Variants in TRIM66 observed in about 807,000 individuals in gnomAD.
TRIM66 encodes the protein tripartite motif-containing protein 66.
Under a neutral mutation model 148.2 loss-of-function variants are expected in TRIM66, and 99 were observed. The ratio of observed to expected loss-of-function variants is 0.67; its 90% confidence interval spans 0.57 to 0.79. TRIM66 has a LOEUF of 0.79. Among genes scored for constraint, TRIM66 ranks in the 30% least tolerant of loss-of-function variants. TRIM66 has a pLI of 0.00. For synonymous variants in TRIM66, 616 were observed against 635.9 expected (o/e 0.97, Z 0.47); for missense variants, 1,666 against 1,697.9 (o/e 0.98, Z 0.33).
Position 8,651,907 on chromosome 11 carries a change from T to C in TRIM66, c.341-4A>G. On this transcript the variant is annotated splice_region_variant and splice_polypyrimidine_tract_variant and intron_variant, in intron 6 of 24. Transcript: ENST00000646038. ...CACCCAGGACAGGAGATGAGCTCTG[T>C]GCAAGAAAGAAAGATAGCAGAGTCA... 1.9e-6 allele frequency: 3 copies of C among 1,547,888 alleles called. No homozygotes were observed. Among genetic ancestry groups the C allele is most frequent in the Admixed American group, 3.9e-5 (2 of 50,788 alleles).
At chr11:8,620,260 C>G in intron 21 of TRIM66, 136 bp from the exon 22 acceptor site, 1 of 1,319,208 alleles carries the variant, frequency 7.6e-7, no homozygotes, top group Non-Finnish European at 1.0e-6. Flanking sequence ...AATTCAGGTT[C>G]CCAAGCCAGA....
At chr11:8,642,483 GC>G (rs1407242874) in intron 13 of TRIM66, among the ~76,000 whole-genome samples, 1 of 152,130 alleles carries the variant, frequency 6.6e-6, no homozygotes, top group Non-Finnish European at 1.5e-5. Flanking sequence ...AAGACTGAAT[GC>G]CAGCAAATGA....
chr11:8,645,946 T>C, intron 11 of TRIM66, 59 bp from the exon 12 acceptor site: 2 of 1,513,960 alleles, frequency 1.3e-6, no homozygotes, highest in Non-Finnish European at 8.9e-7. Context: ...ATCCACCTGC[T>C]TGGGAAGTCT....
chr11:8,673,954 C>T (rs1008983143), intron 4 of TRIM66, among the ~76,000 whole-genome samples: 3 of 152,316 alleles, frequency 2.0e-5, no homozygotes, highest in Non-Finnish European at 2.9e-5. Context: ...GGCCAGGCTG[C>T]CTGGGGTCCA....
In TRIM66 at chr11:8,640,893, C is replaced by T; in HGVS notation, c.1482G>A (p.Gln494=). 6.4e-7 allele frequency: 1 copy of T among 1,550,436 alleles called. No individual in the cohort carries two copies. The highest frequency in any genetic ancestry group is 8.7e-7 in the Non-Finnish European group (1 of 1,146,914). The change falls in exon 14 of 25, where the codon CAG becomes CAA. Residue 494 remains glutamine (Q), a synonymous_variant. Coordinates refer to ENST00000646038, the MANE Select transcript of TRIM66 (RefSeq NM_001388022.1). ...PSIHPAHSFR[Q]PPEMVPQQLG... is the part of the protein sequence containing the mutation. Reference sequence around the variant, plus strand: ...GCTGCTGGGGCACCATCTCAGGGGGCTGCCTGAAGCTGTGGGCTGGGTGTA... The same window carrying T: ...GCTGCTGGGGCACCATCTCAGGGGGTTGCCTGAAGCTGTGGGCTGGGTGTA...
intron 4 of TRIM66, among the ~76,000 whole-genome samples, chr11:8,673,493 G>C (rs1329089729): frequency 6.6e-6 from 1 of 152,058 alleles, no homozygotes; most frequent in African/African-American, 2.4e-5. Flanking sequence ...ATGTATTCTT[G>C]CCACTTGAAG....
intron 24 of TRIM66, among the ~76,000 whole-genome samples, chr11:8,618,430 A>C (rs1301540896): frequency 6.6e-6 from 1 of 152,238 alleles, no homozygotes; most frequent in African/African-American, 2.4e-5. Context: ...TCTTAGGGGC[A>C]TCACAATCAC....
upstream of TRIM66, chr11:8,682,875 C>G: frequency 1.3e-6 from 2 of 1,563,574 alleles, no homozygotes; most frequent in Non-Finnish European, 1.7e-6. Context: ...AAGCTGTATT[C>G]CCATTGCCCC....
At chr11:8,658,781 GC>G in intron 6 of TRIM66, 1 of 985,278 alleles carries the variant, frequency 1.0e-6, no homozygotes, top group Non-Finnish European at 1.2e-6. Context: ...ATCCCTCCAT[GC>G]CCCCGGCACT....
intron 15 of TRIM66, among the ~76,000 whole-genome samples, chr11:8,626,775 C>T (rs1367332094): frequency 6.6e-6 from 1 of 152,152 alleles, no homozygotes; most frequent in Non-Finnish European, 1.5e-5. Flanking sequence ...ACAAGACTCC[C>T]GAGGCCCTGA....
In TRIM66 at chr11:8,671,926, G is replaced by T; in HGVS notation, c.200C>A (p.Thr67Asn). The change falls in exon 6 of 25, where the codon ACC becomes AAC. Residue 67 changes from threonine (T) to asparagine (N), a missense_variant. Transcript: ENST00000646038. ...CAGGTCCTGATGGCACAATGAGCAG[G>T]TCATTACCATGGCCTCCATCTGTCC... Reference protein sequence around the residue: ...KSGQMEAMVMTCSLCHQDLPG... With the variant: ...KSGQMEAMVMNCSLCHQDLPG... 1 of 1,536,158 alleles carries T rather than the reference G, an allele frequency of 6.5e-7. No homozygotes were observed. Among genetic ancestry groups the T allele is most frequent in the Non-Finnish European group, 8.7e-7 (1 of 1,146,910 alleles).
chr11:8,683,131 C>A, upstream of TRIM66: 1 of 1,465,280 alleles, frequency 6.8e-7, no homozygotes, highest in South Asian at 1.1e-5. Context: ...CTTACAGGAC[C>A]ATCTCGGCTG....
rs1437646958 is a variant in TRIM66, at chr11:8,621,091, G to A, written c.3486C>T (p.Asp1162=). ...AGAGGTGGAACACTTTGGGGCAGCG[G>A]TCACAGCACAGTAACTCTCCGCCAT... ...CLNGGELLCC[D]RCPKVFHLSC... Residue 1162 remains aspartate, a synonymous_variant, in exon 20 of 25, where the codon GAC becomes GAT. Coordinates refer to ENST00000646038, the MANE Select transcript of TRIM66 (RefSeq NM_001388022.1). 6.4e-7 allele frequency: 1 copy of A among 1,551,706 alleles called. No individual in the cohort carries two copies. Among genetic ancestry groups the A allele is most frequent in the East Asian group, 2.4e-5 (1 of 40,920 alleles).
chr11:8,646,282 G>A (rs536480891), intron 11 of TRIM66, among the ~76,000 whole-genome samples, 165 bp downstream of exon 11: 10 of 152,204 alleles, frequency 6.6e-5, no homozygotes, highest in African/African-American at 2.4e-4. Flanking sequence ...CCCTTAATGA[G>A]CCACCCTCCC....
intron 15 of TRIM66, among the ~76,000 whole-genome samples, chr11:8,628,416 C>T (rs2035058841): frequency 6.6e-6 from 1 of 151,714 alleles, no homozygotes; most frequent in African/African-American, 2.4e-5. Flanking sequence ...AGTTCAAGAC[C>T]ACCCTAGGCA....
rs185829933 is a variant in TRIM66, at chr11:8,675,396, T to G, written c.-189-513A>C. ...CACAGTTTGTCTGCCAGTTATTCTT[T>G]TTTTAGATGCAGTTTTGCCCTTGTT... On this transcript the variant is annotated intron_variant, in intron 3 of 24. Coordinates refer to ENST00000646038, the MANE Select transcript of TRIM66 (RefSeq NM_001388022.1). Among the ~76,000 whole-genome samples, 469 of 152,346 alleles carry G rather than the reference T, an allele frequency of 3.1e-3. 8 individuals carry two copies. The highest frequency in any genetic ancestry group is 2.8e-4 in the Non-Finnish European group (19 of 68,040).
intron 3 of TRIM66, among the ~76,000 whole-genome samples, chr11:8,675,374 A>C (rs2039127685): frequency 6.6e-6 from 1 of 152,172 alleles, no homozygotes; most frequent in South Asian, 2.1e-4. Flanking sequence ...GAATAACCAC[A>C]GTTTGTCTGC....
chr11:8,667,247 C>A (rs987548528), intron 6 of TRIM66, among the ~76,000 whole-genome samples: 2 of 152,052 alleles, frequency 1.3e-5, no homozygotes, highest in African/African-American at 4.8e-5. Context: ...CTATAAAACT[C>A]CTAGAAGAAA....
intron 3 of TRIM66, among the ~76,000 whole-genome samples, chr11:8,676,862 A>C (rs1195772422): frequency 6.6e-6 from 1 of 152,220 alleles, no homozygotes; most frequent in Non-Finnish European, 1.5e-5. Flanking sequence ...AATCTATATG[A>C]ACGAAGTGCT....
Sources: allele counts gnomAD v4.1 joint callset (sites outside exome capture counted in the v4.1 genomes callset), GRCh38; gene constraint gnomAD v4.1.1; transcripts MANE v1.5; gene names NCBI Gene and HGNC (gene_info 2026-07-23, HGNC 2026-07-21).